STXBP6: variants seen among roughly 807,000 people sequenced by gnomAD.
STXBP6 encodes the protein syntaxin binding protein 6, also known as syntaxin-binding protein 6.
Under a neutral mutation model 26.9 loss-of-function variants are expected in STXBP6, and 21 were observed. That is an observed-to-expected ratio of 0.78 (90% CI 0.55 to 1.12). The LOEUF (loss-of-function observed/expected upper bound fraction) is 1.12. Ranked by LOEUF, STXBP6 falls within the 50% of genes most tolerant of loss-of-function variation. The pLI is 0.00. For synonymous variants in STXBP6, 97 were observed against 92.6 expected, an observed-to-expected ratio of 1.05 and a Z score of -0.27; for missense variants, 232 against 257.9, an observed-to-expected ratio of 0.90 and a Z score of 0.69.
intron 4 of STXBP6, among the ~76,000 whole-genome samples, chr14:24,842,911 A>G (rs2068828311): frequency 6.6e-6 from 1 of 152,166 alleles, no homozygotes; most frequent in African/African-American, 2.4e-5. Flanking sequence ...TTGTGCATGC[A>G]TTTATTCAGC....
chr14:24,954,488 CGGAATCTTTACTATGT>C (rs2073273901), intron 2 of STXBP6, among the ~76,000 whole-genome samples: 1 of 152,146 alleles, frequency 6.6e-6, no homozygotes, highest in Non-Finnish European at 1.5e-5. Context: ...ACCTATACAG[CGGAATCTTTACTATGT>C]CTACAGGCTC....
chr14:24,941,151 C>T (rs1372824441), intron 2 of STXBP6, among the ~76,000 whole-genome samples: 1 of 152,176 alleles, frequency 6.6e-6, no homozygotes, highest in East Asian at 1.9e-4. Flanking sequence ...TCTTTTGGTT[C>T]CATCCACAAA....
At chr14:25,004,803 T>G (rs1455085752) in intron 1 of STXBP6, among the ~76,000 whole-genome samples, 2 of 152,198 alleles carry the variant, frequency 1.3e-5, no homozygotes, top group Non-Finnish European at 2.9e-5. Context: ...ACTCAGCTAC[T>G]GGGGAGTGCG....
At chr14:24,890,713 G>A (rs2070757850) in intron 2 of STXBP6, among the ~76,000 whole-genome samples, 1 of 152,160 alleles carries the variant, frequency 6.6e-6, no homozygotes, top group African/African-American at 2.4e-5. Context: ...AGAATACAAA[G>A]CCACAACATC....
At chr14:24,879,750 C>A (rs899450427) in intron 2 of STXBP6, among the ~76,000 whole-genome samples, 3 of 152,036 alleles carry the variant, frequency 2.0e-5, no homozygotes, top group African/African-American at 7.2e-5. Flanking sequence ...ACTCTTTTTA[C>A]AATAGAGAAA....
In STXBP6 at chr14:24,883,140, T is replaced by C. The variant is rs561881100; in HGVS notation, c.155-25983A>G. 6.3e-4 allele frequency among the ~76,000 whole-genome samples: 96 copies of C among 152,344 alleles called. No homozygotes were observed. The South Asian group carries it at 7.0e-3, about 11-fold the overall frequency. Reference sequence around the variant, plus strand: ...TTTAGAAAAGGAAATTATGAAACAATATGTGAATATGTCTCATAACTACAA... The same window carrying C: ...TTTAGAAAAGGAAATTATGAAACAACATGTGAATATGTCTCATAACTACAA... On this transcript the variant is annotated intron_variant, in intron 2 of 5. Coordinates refer to ENST00000323944, the MANE Select transcript of STXBP6 (RefSeq NM_001394410.1).
At position 24,810,823 on chromosome 14, in the gene STXBP6, A is replaced by C. The variant is rs946747071; in HGVS notation, c.*1886T>G. On this transcript the variant is annotated 3_prime_UTR_variant, in exon 6 of 6. Coordinates refer to ENST00000323944, the MANE Select transcript of STXBP6 (RefSeq NM_001394410.1). ...TTTCAATTATTTATACCAACTCTCT[A>C]TCTCTGAAACCAGAATCCAATTTGG... The C allele has an allele frequency of 1.3e-5, 2 of 151,218 alleles. No individual in the cohort carries two copies. Among genetic ancestry groups the C allele is most frequent in the Non-Finnish European group, 2.9e-5 (2 of 67,922 alleles). 9.4% of individuals were successfully genotyped at this position (151,218 alleles called of 1,614,324 possible).
chr14:24,964,647 C>CTGTGTGTGTGTGTGTG (rs34132743), intron 2 of STXBP6, among the ~76,000 whole-genome samples: 3,436 of 140,088 alleles, frequency 0.025, 58 homozygotes, highest in South Asian at 0.058. Context: ...AGTTCTCATT[C>CTGTGTGTGTGTGTGTG]TGTGTGTGTG....
intron 1 of STXBP6, among the ~76,000 whole-genome samples, chr14:25,037,816 G>A (rs2075579692): frequency 6.6e-6 from 1 of 152,330 alleles, no homozygotes; most frequent in African/African-American, 2.4e-5. Context: ...CTCATCTGGA[G>A]ATCAAATGGT....
chr14:24,876,615 C>A (rs770790463), intron 2 of STXBP6, among the ~76,000 whole-genome samples: 3 of 152,144 alleles, frequency 2.0e-5, no homozygotes, highest in African/African-American at 7.2e-5. Flanking sequence ...ACTGTGGAAA[C>A]GATGTTCCTG....
intron 1 of STXBP6, among the ~76,000 whole-genome samples, chr14:25,014,879 G>T (rs1053180567): frequency 1.6e-4 from 24 of 152,142 alleles, no homozygotes; most frequent in African/African-American, 5.6e-4. Flanking sequence ...GGGAATATGA[G>T]AATTTGATTT....
chr14:24,920,532 G>C (rs2071942537), intron 2 of STXBP6, among the ~76,000 whole-genome samples: 1 of 152,060 alleles, frequency 6.6e-6, no homozygotes, highest in African/African-American at 2.4e-5. Context: ...ACTCAAGGCT[G>C]AGTAAGCGCA....
At chr14:24,827,724 G>C (rs1336541305) in intron 4 of STXBP6, among the ~76,000 whole-genome samples, 1 of 152,098 alleles carries the variant, frequency 6.6e-6, no homozygotes, top group African/African-American at 2.4e-5. Context: ...AAGTCCTCTA[G>C]TACCTGATCA....
chr14:24,858,783 A>C (rs1423888873), intron 2 of STXBP6, among the ~76,000 whole-genome samples: 1 of 152,138 alleles, frequency 6.6e-6, no homozygotes, highest in Non-Finnish European at 1.5e-5. Context: ...AATGTTAAAG[A>C]AAACAATACA....
chr14:24,918,452 C>CCATACACA (rs2071851214), intron 2 of STXBP6, among the ~76,000 whole-genome samples: 1 of 133,398 alleles, frequency 7.5e-6, no homozygotes, highest in Non-Finnish European at 1.6e-5. Flanking sequence ...CACACCCCCA[C>CCATACACA]CACACACACA....
intron 2 of STXBP6, among the ~76,000 whole-genome samples, chr14:24,899,380 C>T (rs915453263): frequency 4.6e-5 from 7 of 152,056 alleles, no homozygotes; most frequent in Admixed American, 3.9e-4. Context: ...GAAATTATTC[C>T]ATGCCAGGAG....
intron 5 of STXBP6, 124 bp from the exon 6 acceptor site, chr14:24,812,856 G>T: frequency 3.4e-6 from 3 of 885,160 alleles, no homozygotes; most frequent in Non-Finnish European, 3.7e-6. Flanking sequence ...ACTCTCTGTG[G>T]CAGATCACCG....
chr14:24,973,526 C>T lies in STXBP6; in HGVS notation c.154+1139G>A, dbSNP rs184753822. ...TCAGCCGCCTGAGTAGCTGGGAGTA[C>T]AGGTGAGTGCCATCATGCCTGGCTA... On this transcript the variant is annotated intron_variant, in intron 2 of 5. Coordinates refer to ENST00000323944, the MANE Select transcript of STXBP6 (RefSeq NM_001394410.1). Among the ~76,000 whole-genome samples, 11 of 151,692 alleles carry T rather than the reference C, an allele frequency of 7.3e-5. No homozygotes were observed. The East Asian group carries it at 2.2e-3, about 30-fold the overall frequency.
intron 2 of STXBP6, among the ~76,000 whole-genome samples, chr14:24,897,141 T>G (rs1311708027): frequency 6.6e-6 from 1 of 152,116 alleles, no homozygotes; most frequent in African/African-American, 2.4e-5. Context: ...CTGGGTGCGG[T>G]GGCTCATGCC....
Sources: allele counts gnomAD v4.1 joint callset (sites outside exome capture counted in the v4.1 genomes callset), GRCh38; gene constraint gnomAD v4.1.1; transcripts MANE v1.5; gene names NCBI Gene and HGNC (gene_info 2026-07-23, HGNC 2026-07-21).